The following DOK7 variants were observed in gnomAD, a reference collection of about 807,000 sequenced individuals.
DOK7 encodes the protein protein Dok-7.
Under a neutral mutation model 30.7 loss-of-function variants are expected in DOK7, and 32 were observed. That is an observed-to-expected ratio of 1.04 (90% confidence interval 0.79 to 1.40). The LOEUF (loss-of-function observed/expected upper bound fraction) is 1.40, where lower values mean the gene tolerates loss of function less well. Among genes scored for constraint, DOK7 ranks in the 40% most tolerant of loss-of-function variants. The probability of loss-of-function intolerance (pLI) is 0.00; values close to 1 mark genes in which losing one functional copy is unlikely to be tolerated. For missense variants in DOK7, 1,007 were observed against 699.2 expected, an observed-to-expected ratio of 1.44 and a Z score of -4.97; for synonymous variants, 447 against 324.1, an observed-to-expected ratio of 1.38 and a Z score of -4.07.
intron 4 of DOK7, among the ~76,000 whole-genome samples, chr4:3,478,409 T>C (rs2699429): frequency 0.54 from 81,455 of 152,120 alleles, 23,910 homozygotes; most frequent in African/African-American, 0.78. Flanking sequence ...GCTCAAAAGC[T>C]GGGGGCACTC....
At chr4:3,471,794 G>A (rs748006814) in intron 2 of DOK7, among the ~76,000 whole-genome samples, 1 of 152,248 alleles carries the variant, frequency 6.6e-6, no homozygotes, top group Non-Finnish European at 1.5e-5. Flanking sequence ...CTGGGCAGGC[G>A]GAGTTCTGTA....
intron 2 of DOK7, among the ~76,000 whole-genome samples, chr4:3,468,277 T>A (rs1382084896): frequency 1.3e-5 from 2 of 151,522 alleles, no homozygotes; most frequent in Non-Finnish European, 2.9e-5. Context: ...TGTGAATACC[T>A]GTGGGAGTGT....
At position 3,463,500 on chromosome 4, in the gene DOK7, C is replaced by T. The variant is rs1216033623; in HGVS notation, c.55-6C>T. 6.6e-7 allele frequency: 1 copy of T among 1,513,054 alleles called. No individual in the cohort carries two copies. Among genetic ancestry groups the T allele is most frequent in the East Asian group, 2.5e-5 (1 of 39,288 alleles). The allele number at this position is 1,513,054 out of a possible 1,614,324, so 93.7% of individuals were successfully genotyped here. A position where few individuals can be genotyped will look rare whatever the true frequency, so the allele number is the denominator to read the frequency against. The stretch of plus-strand genomic sequence containing the variant: ...CGGCGGCTCACGCTCCCCCCTGTCC[C>T]CGCAGTGGAAGAGTAGGTGGCTGGT... On this transcript the variant is annotated splice_region_variant and splice_polypyrimidine_tract_variant and intron_variant, in intron 1 of 6. Transcript: ENST00000340083.
intron 6 of DOK7, among the ~76,000 whole-genome samples, chr4:3,492,135 A>G (rs1728506599): frequency 6.6e-6 from 1 of 152,188 alleles, no homozygotes; most frequent in African/African-American, 2.4e-5. Context: ...GGCTTTCCCA[A>G]GAGCACGGGA....
At position 3,493,076 on chromosome 4, in the gene DOK7, C is replaced by T. The variant is rs577156980; in HGVS notation, c.1090C>T (p.Arg364Trp). ...SYAGSSLDVW[R>W]ATDELGSLLS... is the part of the protein sequence containing the mutation. ...CGCGGGCAGCAGCCTGGACGTGTGG[C>T]GGGCCACAGATGAACTGGGCTCACT... is the stretch of plus-strand genomic sequence containing the variant. Residue 364 changes from arginine to tryptophan, a missense_variant, in exon 7 of 7, where the codon CGG (arginine) becomes TGG (tryptophan). By Grantham distance (101) the Arg-to-Trp change is moderately radical. Transcript: ENST00000340083. 1.1e-4 allele frequency: 176 copies of T among 1,574,980 alleles called. No homozygotes were observed. Among genetic ancestry groups the T allele is most frequent in the African/African-American group, 1.7e-4 (13 of 74,464 alleles).
chr4:3,468,867 A>T (rs926534490), intron 2 of DOK7, among the ~76,000 whole-genome samples: 46 of 129,348 alleles, frequency 3.6e-4, no homozygotes, highest in African/African-American at 1.4e-3. Context: ...ATGAGTGTGC[A>T]TGCCTGTGTA....
chr4:3,485,375 G>A, intron 4 of DOK7, 164 bp from the exon 5 acceptor site: 2 of 959,650 alleles, frequency 2.1e-6, no homozygotes, highest in Non-Finnish European at 2.9e-6. Flanking sequence ...CGGATTCACG[G>A]GGCCAGGCGG....
chr4:3,490,315 A>C (rs1362646042), intron 6 of DOK7, among the ~76,000 whole-genome samples: 1 of 49,874 alleles, frequency 2.0e-5, no homozygotes, highest in East Asian at 5.4e-4. Context: ...CCCCCGGCTC[A>C]TTCTTGCCTT....
rs983236073 is a variant in DOK7 at position 3,494,115 on chromosome 4, T to A, written c.*614T>A. 5.1e-6 allele frequency: 5 copies of A among 985,812 alleles called. No homozygotes were observed. The South Asian group carries it at 2.3e-4, about 46-fold the overall frequency. 61.1% of individuals were successfully genotyped at this position (985,812 alleles called of 1,614,324 possible). ...GCCCCACTGTTCCCCAGTGAAGCCC[T>A]TGTGGGAAGGTTCCGGGAGCAGGTG... On this transcript the variant is annotated 3_prime_UTR_variant, in exon 7 of 7. Coordinates refer to ENST00000340083, the MANE Select transcript of DOK7 (RefSeq NM_173660.5).
downstream of DOK7, among the ~76,000 whole-genome samples, chr4:3,497,309 G>A (rs1275496430): frequency 1.3e-5 from 2 of 152,098 alleles, no homozygotes; most frequent in African/African-American, 4.8e-5. Flanking sequence ...TCCTCAGACA[G>A]CGGTGGGGGC....
intron 2 of DOK7, among the ~76,000 whole-genome samples, chr4:3,465,431 G>A (rs147011735): frequency 2.1e-3 from 321 of 152,310 alleles, no homozygotes; most frequent in African/African-American, 7.5e-3. Flanking sequence ...AGCCCTGGAG[G>A]AGCAGACAGC....
intron 2 of DOK7, among the ~76,000 whole-genome samples, chr4:3,472,776 G>A (rs1726832217): frequency 1.3e-5 from 2 of 152,226 alleles, no homozygotes; most frequent in Non-Finnish European, 2.9e-5. Flanking sequence ...CAGAACGCAG[G>A]CAGGTCCCCA....
intron 2 of DOK7, among the ~76,000 whole-genome samples, chr4:3,464,927 T>C (rs1726186527): frequency 6.6e-6 from 1 of 152,180 alleles, no homozygotes; most frequent in African/African-American, 2.4e-5. Context: ...GTGAACATGG[T>C]GGCTCCCGAG....
exon 7 of DOK7, chr4:3,500,296 C>T (rs1029020602): frequency 3.2e-5 from 49 of 1,535,820 alleles, no homozygotes; most frequent in Middle Eastern, 1.7e-4. Flanking sequence ...CCAGAGAGGC[C>T]GCGCGGCGAG....
At chr4:3,474,372 C>A (rs1726942209) in intron 3 of DOK7, among the ~76,000 whole-genome samples, 1 of 152,176 alleles carries the variant, frequency 6.6e-6, no homozygotes. Context: ...CCACAGCTGC[C>A]CTCCCTTTAA....
rs201892786 is a variant in DOK7, at chr4:3,485,546, C to T, written c.540C>T (p.Gly180=). The T allele has an allele frequency of 9.1e-5, 145 of 1,601,910 alleles. No homozygotes were observed. Among genetic ancestry groups the T allele is most frequent in the East Asian group, 5.7e-4 (25 of 43,914 alleles). Residue 180 remains glycine, a synonymous_variant, in exon 5 of 7, where the codon GGC becomes GGT. Coordinates refer to ENST00000340083, the MANE Select transcript of DOK7 (RefSeq NM_173660.5). ...TCTGTCCTTCCTCTGCAGGGGCTGG[C>T]GTCTTCTTCCTGTCCTCGGCCGAGG... The part of the protein sequence containing the change: ...EGGTRCGYWA[G]VFFLSSAEGE...
rs778440478 is a variant in DOK7 at position 3,493,359 on chromosome 4, C to T, written c.1373C>T (p.Ala458Val). 1.3e-6 allele frequency: 2 copies of T among 1,596,510 alleles called. No homozygotes were observed. The highest frequency in any genetic ancestry group is 1.1e-5 in the South Asian group (1 of 89,334). ...GTRRRGLVME[A>V]PQGSEATLPG... Reference sequence around the variant, plus strand: ...AGACGGCGGGGCCTGGTGATGGAGGCCCCCCAGGGCAGCGAGGCCACACTG... The same window carrying T: ...AGACGGCGGGGCCTGGTGATGGAGGTCCCCCAGGGCAGCGAGGCCACACTG... Residue 458 changes from alanine (A) to valine (V), a missense_variant, in exon 7 of 7, where the codon GCC (alanine) becomes GTC (valine). Coordinates refer to ENST00000340083, the MANE Select transcript of DOK7 (RefSeq NM_173660.5).
intron 6 of DOK7, among the ~76,000 whole-genome samples, chr4:3,491,335 T>TTCCTTCTTCGCC (rs1217735195): frequency 6.2e-4 from 84 of 136,014 alleles, no homozygotes; most frequent in Non-Finnish European, 2.4e-4. Flanking sequence ...CATTCATTCC[T>TTCCTTCTTCGCC]TCCTTCTTCG....
intron 4 of DOK7, among the ~76,000 whole-genome samples, chr4:3,476,747 G>A (rs1408550401): frequency 1.3e-5 from 2 of 152,220 alleles, no homozygotes; most frequent in Non-Finnish European, 2.9e-5. Flanking sequence ...TCGAGGAGGG[G>A]CCTCGGCTAC....
Sources: allele counts gnomAD v4.1 joint callset (sites outside exome capture counted in the v4.1 genomes callset), GRCh38; gene constraint gnomAD v4.1.1; transcripts MANE v1.5; gene names NCBI Gene and HGNC (gene_info 2026-07-23, HGNC 2026-07-21).